Variants in POU3F3 observed in about 807,000 individuals in gnomAD.
POU3F3 encodes POU domain, class 3, transcription factor 3.
In POU3F3, 1 loss-of-function variant was observed where a neutral mutation model predicts 8.6. The observed-to-expected ratio is 0.12, with a 90% confidence interval of 0.04 to 0.55. The LOEUF (loss-of-function observed/expected upper bound fraction) is 0.55, where lower values mean the gene tolerates loss of function less well. POU3F3 is among the 20% of genes least tolerant of loss of function. The probability of loss-of-function intolerance (pLI) is 0.91; values close to 1 mark genes in which losing one functional copy is unlikely to be tolerated. For synonymous variants in POU3F3, 418 were observed against 327.4 expected (o/e 1.28, Z -2.99); for missense variants, 577 against 690.7 (o/e 0.84, Z 1.84).
chr2:104,862,351 G>A (rs990625142), downstream of POU3F3, among the ~76,000 whole-genome samples: 3 of 152,232 alleles, frequency 2.0e-5, no homozygotes, highest in Admixed American at 6.5e-5. Context: ...GTGTGCGCGC[G>A]CGTGCCGTGT....
chr2:104,900,267 A>T, the POU3F3 span, among the ~76,000 whole-genome samples: 3 of 151,992 alleles, frequency 2.0e-5, no homozygotes, highest in Non-Finnish European at 4.4e-5. Flanking sequence ...GCATGGTTAG[A>T]TGACACTTTA....
the POU3F3 span, among the ~76,000 whole-genome samples, chr2:104,880,062 GTTT>G: frequency 6.6e-6 from 1 of 152,194 alleles, no homozygotes; most frequent in African/African-American, 2.4e-5. Flanking sequence ...AGCATAAGCA[GTTT>G]CTTCTGATAT....
rs1434976039 is a variant in POU3F3, at chr2:104,854,275, ACTCTGCTCCAGCACGGCCAGCG to A, written c.-1234_-1213del. On this transcript the variant is annotated 5_prime_UTR_variant, in exon 1 of 1. Coordinates refer to ENST00000361360, the MANE Select transcript of POU3F3 (RefSeq NM_006236.3). This position sits in a 1 kb window ranked among gnomAD's most constrained non-coding sequence, Gnocchi z 4.5. ...GGGCGCAGAGCGAGCTCCTGCTGCA[ACTCTGCTCCAGCACGGCCAGCG>A]CCAGCGCCCGCCGTCGGTGCACTCT... 3.3e-5 allele frequency among the ~76,000 whole-genome samples: 5 copies of A among 151,858 alleles called. No homozygotes were observed. Among genetic ancestry groups the A allele is most frequent in the African/African-American group, 1.2e-4 (5 of 41,414 alleles).
chr2:104,885,297 C>T, the POU3F3 span, among the ~76,000 whole-genome samples: 382 of 152,250 alleles, frequency 2.5e-3, 15 homozygotes, highest in East Asian at 0.062. Context: ...TTGTCAGAGG[C>T]GTTTGAACCA....
At chr2:104,906,670 T>A in the POU3F3 span, among the ~76,000 whole-genome samples, 1,398 of 152,342 alleles carry the variant, frequency 9.2e-3, 10 homozygotes, top group Middle Eastern at 0.02. Flanking sequence ...GCGATTTTTT[T>A]AAGTCCTTCA....
chr2:104,887,824 C>T, the POU3F3 span, among the ~76,000 whole-genome samples: 2,089 of 152,314 alleles, frequency 0.014, 43 homozygotes, highest in African/African-American at 0.048. Flanking sequence ...GAACTTACAG[C>T]AACCCTTTCA....
chr2:104,892,444 C>CTTAT, the POU3F3 span, among the ~76,000 whole-genome samples: 1 of 151,946 alleles, frequency 6.6e-6, no homozygotes, highest in African/African-American at 2.4e-5. Flanking sequence ...GATATTCATG[C>CTTAT]TTATTTATTT....
the POU3F3 span, among the ~76,000 whole-genome samples, chr2:104,906,118 A>G: frequency 6.6e-6 from 1 of 152,240 alleles, no homozygotes; most frequent in Non-Finnish European, 1.5e-5. Context: ...TGTTTGATGC[A>G]TAGAAAGGTC....
rs1442633938 is a variant in POU3F3, at chr2:104,855,393, G to GGGGGGGAGGA, written c.-115_-106dup. 3 of 364,696 alleles carry GGGGGGGAGGA rather than the reference G, an allele frequency of 8.2e-6. No homozygotes were observed. The highest frequency in any genetic ancestry group is 7.3e-5 in the African/African-American group (3 of 41,076). The allele number at this position is 364,696 out of a possible 1,614,324, so 22.6% of individuals were successfully genotyped here. A position where few individuals can be genotyped will look rare whatever the true frequency, so the allele number is the denominator to read the frequency against. The stretch of plus-strand genomic sequence containing the variant: ...GGCCCGGGGCGGGGGCGGGGAAGGA[G>GGGGGGGAGGA]GGGGGGAGGAGGCGGGAGGCGGGGG... On this transcript the variant is annotated 5_prime_UTR_variant, in exon 1 of 1. Transcript: ENST00000361360.
At chr2:104,891,972 A>G in the POU3F3 span, among the ~76,000 whole-genome samples, 4 of 152,206 alleles carry the variant, frequency 2.6e-5, no homozygotes, top group Non-Finnish European at 5.9e-5. Context: ...TAAAGAAGCA[A>G]CGTTCTTGAG....
rs1228517272 is a variant in POU3F3, at chr2:104,855,478, G to T, written c.-33G>T. On this transcript the variant is annotated 5_prime_UTR_variant, in exon 1 of 1. Coordinates refer to ENST00000361360, the MANE Select transcript of POU3F3 (RefSeq NM_006236.3). ...TGCTGCTGCGGCGGCGGCGGCGGTG[G>T]TGGCGGCGGTGGGGTGGCGGGAGCG... 3 of 962,380 alleles carry T rather than the reference G, an allele frequency of 3.1e-6. No homozygotes were observed. The highest frequency in any genetic ancestry group is 3.7e-6 in the Non-Finnish European group (3 of 811,908). The allele number at this position is 962,380 out of a possible 1,614,324, so 59.6% of individuals were successfully genotyped here. A position where few individuals can be genotyped will look rare whatever the true frequency, so the allele number is the denominator to read the frequency against.
chr2:104,896,163 G>C, the POU3F3 span, among the ~76,000 whole-genome samples: 1 of 152,244 alleles, frequency 6.6e-6, no homozygotes, highest in Non-Finnish European at 1.5e-5. Context: ...CCAGCTCCAA[G>C]GAAGCCAGAA....
Position 104,858,223 on chromosome 2 carries a change from A to G in POU3F3, c.*1210A>G, listed in dbSNP as rs1015589888. On this transcript the variant is annotated 3_prime_UTR_variant, in exon 1 of 1. Transcript: ENST00000361360. Reference sequence around the variant, plus strand: ...GTGGATGTGATTATATAATACTGCCATTTCCAAGCAGTGTTTTTGGTAGGT... The same window carrying G: ...GTGGATGTGATTATATAATACTGCCGTTTCCAAGCAGTGTTTTTGGTAGGT... The G allele has an allele frequency of 2.0e-5, 3 of 152,162 alleles. No individual in the cohort carries two copies. Among genetic ancestry groups the G allele is most frequent in the Non-Finnish European group, 2.9e-5 (2 of 68,030 alleles). The allele number at this position is 152,162 out of a possible 1,614,324, so 9.4% of individuals were successfully genotyped here. A position where few individuals can be genotyped will look rare whatever the true frequency, so the allele number is the denominator to read the frequency against.
the POU3F3 span, among the ~76,000 whole-genome samples, chr2:104,879,268 C>T: frequency 1.3e-5 from 2 of 151,676 alleles, no homozygotes; most frequent in South Asian, 2.1e-4. Context: ...TGTCTTAAGC[C>T]GCGATTGGGC....
the POU3F3 span, among the ~76,000 whole-genome samples, chr2:104,908,796 C>T: frequency 6.6e-6 from 1 of 152,168 alleles, no homozygotes; most frequent in Non-Finnish European, 1.5e-5. Context: ...TGCATGGAGA[C>T]ATCAATTATG....
At chr2:104,864,735 T>A in the POU3F3 span, among the ~76,000 whole-genome samples, 1 of 152,222 alleles carries the variant, frequency 6.6e-6, no homozygotes, top group African/African-American at 2.4e-5. Context: ...GTTTACCTGA[T>A]CTTTGAAAAG....
At chr2:104,879,492 GA>G in the POU3F3 span, among the ~76,000 whole-genome samples, 17 of 149,606 alleles carry the variant, frequency 1.1e-4, no homozygotes, top group African/African-American at 2.2e-4. Context: ...CAATTTCTTT[GA>G]AAAAAAAAAT....
At chr2:104,922,658 G>GGACA in the POU3F3 span, among the ~76,000 whole-genome samples, 1 of 152,224 alleles carries the variant, frequency 6.6e-6, no homozygotes, top group South Asian at 2.1e-4. Context: ...GAGACCCATG[G>GGACA]GACACTACCA....
At chr2:104,927,382 G>A in the POU3F3 span, among the ~76,000 whole-genome samples, 1 of 151,974 alleles carries the variant, frequency 6.6e-6, no homozygotes, top group Non-Finnish European at 1.5e-5. Context: ...AGAAAGAAAA[G>A]GGAAAGGGGG....
Sources: allele counts gnomAD v4.1 joint callset (sites outside exome capture counted in the v4.1 genomes callset), GRCh38; gene constraint gnomAD v4.1.1; non-coding constraint Gnocchi (gnomAD v3.1); transcripts MANE v1.5; gene names NCBI Gene and HGNC (gene_info 2026-07-23, HGNC 2026-07-21).